Variants in ERC1 observed in about 807,000 individuals in gnomAD.
ERC1 encodes RAB6 interacting protein 2.
In ERC1, 56 loss-of-function variants were observed where a neutral mutation model predicts 132.0. That is an observed-to-expected ratio of 0.42 (90% CI 0.34 to 0.53). The LOEUF is 0.53. Ranked by LOEUF, ERC1 falls within the 20% of genes least tolerant of loss-of-function variation. ERC1 has a pLI of 0.03. For synonymous variants in ERC1, 478 were observed against 476.1 expected (o/e 1.00, Z -0.05); for missense variants, 1,202 against 1,349.9 (o/e 0.89, Z 1.72).
chr12:1,103,101 A>G (rs1311281557), intron 3 of ERC1, among the ~76,000 whole-genome samples: 1 of 152,214 alleles, frequency 6.6e-6, no homozygotes, highest in Non-Finnish European at 1.5e-5. Context: ...TCTCTAAAAT[A>G]TATGGACATT....
chr12:1,386,352 A>G (rs1443401362), intron 16 of ERC1, among the ~76,000 whole-genome samples: 2 of 151,588 alleles, frequency 1.3e-5, no homozygotes, highest in Non-Finnish European at 1.5e-5. Context: ...AAAAATTTTA[A>G]TTGAAATGCA....
At chr12:1,195,785 A>G (rs1375884460) in intron 12 of ERC1, among the ~76,000 whole-genome samples, 2 of 147,870 alleles carry the variant, frequency 1.4e-5, no homozygotes, top group Non-Finnish European at 3.0e-5. Context: ...AGATAGGACA[A>G]TTTCTGATTG....
intron 2 of ERC1, among the ~76,000 whole-genome samples, chr12:1,031,743 TA>T (rs1968083311): frequency 6.6e-6 from 1 of 152,152 alleles, no homozygotes; most frequent in African/African-American, 2.4e-5. Context: ...AAATATTCCT[TA>T]GAAAGTTCTT....
chr12:1,484,165 C>T (rs11061778), intron 18 of ERC1, among the ~76,000 whole-genome samples: 55,153 of 151,524 alleles, frequency 0.36, 10,858 homozygotes, highest in African/African-American at 0.52. Context: ...ATTAGCCGAG[C>T]GTGGTAGCGG....
At chr12:1,208,419 TACTC>T (rs1957536993) in intron 12 of ERC1, among the ~76,000 whole-genome samples, 1 of 152,178 alleles carries the variant, frequency 6.6e-6, no homozygotes, top group African/African-American at 2.4e-5. Flanking sequence ...CGATAATTCT[TACTC>T]TTCCAGTGTG....
At chr12:1,260,221 T>G (rs1038373595) in intron 13 of ERC1, among the ~76,000 whole-genome samples, 1 of 152,236 alleles carries the variant, frequency 6.6e-6, no homozygotes, top group African/African-American at 2.4e-5. Flanking sequence ...GGTAATCATT[T>G]GTTTTCCCTT....
intron 3 of ERC1, among the ~76,000 whole-genome samples, chr12:1,102,132 A>AT (rs564740793): frequency 1.7e-4 from 25 of 150,094 alleles, no homozygotes; most frequent in South Asian, 4.2e-4. Flanking sequence ...TTTAACTTAA[A>AT]TTTTTTTTTT....
intron 2 of ERC1, among the ~76,000 whole-genome samples, chr12:1,041,382 T>C (rs2154160135): frequency 6.6e-6 from 1 of 152,240 alleles, no homozygotes; most frequent in South Asian, 2.1e-4. Flanking sequence ...TACTTTTGTA[T>C]TTTTAGTAGA....
chr12:1,488,940 TTGG>T (rs2094284233), intron 18 of ERC1, among the ~76,000 whole-genome samples: 1 of 152,314 alleles, frequency 6.6e-6, no homozygotes, highest in African/African-American at 2.4e-5. Flanking sequence ...GGAGCTGCCC[TTGG>T]TGGACTCTTC....
intron 7 of ERC1, among the ~76,000 whole-genome samples, chr12:1,118,671 G>C (rs1185525843): frequency 6.6e-6 from 1 of 152,204 alleles, no homozygotes; most frequent in Non-Finnish European, 1.5e-5. Flanking sequence ...CTTGACAAGA[G>C]TCACCTTTTC....
At chr12:1,057,321 G>A (rs1405254654) in intron 2 of ERC1, among the ~76,000 whole-genome samples, 4 of 151,634 alleles carry the variant, frequency 2.6e-5, no homozygotes, top group Admixed American at 1.3e-4. Flanking sequence ...ACTGGGTTTC[G>A]CCCTGTTGGC....
intron 11 of ERC1, among the ~76,000 whole-genome samples, chr12:1,185,760 G>T (rs1955022443): frequency 6.7e-6 from 1 of 150,178 alleles, no homozygotes; most frequent in Non-Finnish European, 1.5e-5. Context: ...TTATATTGAG[G>T]TGACTACAAA....
chr12:1,126,460 G>C (rs1000871496), intron 7 of ERC1, among the ~76,000 whole-genome samples: 1 of 152,198 alleles, frequency 6.6e-6, no homozygotes, highest in Non-Finnish European at 1.5e-5. Flanking sequence ...CTTCATGCTA[G>C]ATGAAACAGT....
chr12:1,324,486 T>C (rs1466472535), intron 15 of ERC1, among the ~76,000 whole-genome samples: 1 of 152,162 alleles, frequency 6.6e-6, no homozygotes, highest in Non-Finnish European at 1.5e-5. Context: ...CAAATATATA[T>C]TTTATTTCTC....
intron 2 of ERC1, among the ~76,000 whole-genome samples, chr12:1,049,348 C>A (rs962496653): frequency 5.9e-5 from 9 of 152,174 alleles, no homozygotes; most frequent in Non-Finnish European, 1.5e-5. Flanking sequence ...TCTAGCTGAA[C>A]CCAGATCAGT....
chr12:1,159,072 CAT>C (rs1951659359), intron 8 of ERC1, among the ~76,000 whole-genome samples: 2 of 152,098 alleles, frequency 1.3e-5, no homozygotes, highest in African/African-American at 4.8e-5. Flanking sequence ...AGAGGAAGTA[CAT>C]ATGGCAAATA....
chr12:1,263,220 C>T lies in ERC1; in HGVS notation c.2619+55C>T, dbSNP rs2077253658. 7 of 1,567,854 alleles carry T rather than the reference C, an allele frequency of 4.5e-6. No individual in the cohort carries two copies. In the South Asian group the frequency reaches 4.5e-5, roughly 10 times the overall value. ...GCTGCTGGTTAACCAAAAGGTAACA[C>T]ACAACCAGTATAGTTTAGGTAAACT... On this transcript the variant is annotated intron_variant, in intron 14 of 18. Transcript: ENST00000360905.
intron 15 of ERC1, among the ~76,000 whole-genome samples, chr12:1,327,410 A>G (rs1334251403): frequency 6.6e-6 from 1 of 152,202 alleles, no homozygotes; most frequent in Non-Finnish European, 1.5e-5. Flanking sequence ...TCCCATGATT[A>G]TATAACATTA....
chr12:1,298,433 C>G (rs1566520701), intron 15 of ERC1, among the ~76,000 whole-genome samples: 2 of 151,304 alleles, frequency 1.3e-5, no homozygotes. Flanking sequence ...ATCCCAGCTA[C>G]TCGGGATTCT....
Sources: gnomAD v4.1 joint callset for allele counts (sites outside exome capture counted in the v4.1 genomes callset) on GRCh38, gnomAD v4.1.1 for gene constraint, MANE v1.5 for transcripts, NCBI Gene and HGNC (gene_info 2026-07-23, HGNC 2026-07-21) for gene names.